The following ZSWIM6 variants were observed in gnomAD, a reference collection of about 807,000 sequenced individuals.
ZSWIM6 encodes the protein zinc finger SWIM domain-containing protein 6.
ZSWIM6 carries 9 observed loss-of-function variants against 113.2 expected under a neutral mutation model. The observed-to-expected ratio is 0.08, with a 90% CI of 0.05 to 0.14. The LOEUF (loss-of-function observed/expected upper bound fraction) is 0.14, where lower values mean the gene tolerates loss of function less well. ZSWIM6 is among the 10% of genes least tolerant of loss of function. The probability of loss-of-function intolerance (pLI) is 1.00; values close to 1 mark genes in which losing one functional copy is unlikely to be tolerated. For synonymous variants in ZSWIM6, 611 were observed against 606.5 expected (o/e 1.01, Z -0.11); for missense variants, 1,162 against 1,552.2 (o/e 0.75, Z 4.22).
At chr5:61,397,459 G>C (rs1350304818) in intron 1 of ZSWIM6, among the ~76,000 whole-genome samples, 1 of 152,078 alleles carries the variant, frequency 6.6e-6, no homozygotes, top group Non-Finnish European at 1.5e-5. Context: ...TTGTTGGTCT[G>C]CACGTGCTGT....
At chr5:61,523,492 T>G (rs1749190323) in intron 5 of ZSWIM6, among the ~76,000 whole-genome samples, 1 of 152,236 alleles carries the variant, frequency 6.6e-6, no homozygotes, top group Non-Finnish European at 1.5e-5. Context: ...ATATCTCCTT[T>G]TTACTTAATT....
intron 10 of ZSWIM6, among the ~76,000 whole-genome samples, chr5:61,538,513 A>G (rs1342999631): frequency 6.6e-6 from 1 of 152,200 alleles, no homozygotes; most frequent in Non-Finnish European, 1.5e-5. Context: ...TGCGTATCTT[A>G]ATTTATTTGA....
At chr5:61,400,235 G>A (rs1371287390) in intron 1 of ZSWIM6, among the ~76,000 whole-genome samples, 2 of 152,120 alleles carry the variant, frequency 1.3e-5, no homozygotes, top group African/African-American at 4.8e-5. Context: ...CATTTTTTAT[G>A]TGACAAATCT....
At chr5:61,408,290 C>T (rs1746081346) in intron 1 of ZSWIM6, among the ~76,000 whole-genome samples, 1 of 152,166 alleles carries the variant, frequency 6.6e-6, no homozygotes, top group African/African-American at 2.4e-5. Flanking sequence ...AACAGGGCAA[C>T]TGAGGGACGA....
chr5:61,488,654 GTC>G (rs1426144384), intron 2 of ZSWIM6, among the ~76,000 whole-genome samples: 1 of 151,902 alleles, frequency 6.6e-6, no homozygotes, highest in African/African-American at 2.4e-5. Context: ...CAATTTTAAT[GTC>G]TCTGTTTTCA....
intron 5 of ZSWIM6, among the ~76,000 whole-genome samples, chr5:61,522,093 GT>G (rs137971657): frequency 9.3e-5 from 13 of 139,494 alleles, no homozygotes; most frequent in East Asian, 8.0e-4. Context: ...TTTTTTGTTT[GT>G]TTTTTTTTGT....
At chr5:61,409,401 C>T (rs1335933605) in intron 1 of ZSWIM6, among the ~76,000 whole-genome samples, 1 of 151,802 alleles carries the variant, frequency 6.6e-6, no homozygotes, top group Non-Finnish European at 1.5e-5. Flanking sequence ...AGCAAAAGAT[C>T]AAAAAAGGAG....
At position 61,546,028 on chromosome 5, in the gene ZSWIM6, C is replaced by T. The variant is rs1156411508; in HGVS notation, c.*1711C>T. 2 of 151,988 alleles carry T rather than the reference C, an allele frequency of 1.3e-5. No individual in the cohort carries two copies. Among genetic ancestry groups the T allele is most frequent in the Non-Finnish European group, 2.9e-5 (2 of 68,002 alleles). 9.4% of individuals were successfully genotyped at this position (151,988 alleles called of 1,614,324 possible). ...AAAAAAAAAGGTTGTAATTCATCAC[C>T]CATGTAAACATGCTCATGAAGTTGA... On this transcript the variant is annotated 3_prime_UTR_variant, in exon 14 of 14. Transcript: ENST00000252744.
chr5:61,443,594 GTTTACAC>G (rs1406125159), intron 1 of ZSWIM6, among the ~76,000 whole-genome samples: 1 of 152,082 alleles, frequency 6.6e-6, no homozygotes, highest in Admixed American at 6.6e-5. Context: ...AATGTCAGAG[GTTTACAC>G]TTGATATCAC....
At chr5:61,356,576 G>C (rs947457343) in intron 1 of ZSWIM6, among the ~76,000 whole-genome samples, 2 of 149,470 alleles carry the variant, frequency 1.3e-5, no homozygotes, top group Non-Finnish European at 3.0e-5. Flanking sequence ...CTTTGGACTT[G>C]GCTGTGAAAA....
chr5:61,545,950 T>C lies in ZSWIM6; in HGVS notation c.*1633T>C, dbSNP rs1176410182. 6.6e-6 allele frequency: 1 copy of C among 152,158 alleles called. No individual in the cohort carries two copies. The highest frequency in any genetic ancestry group is 1.5e-5 in the Non-Finnish European group (1 of 68,020). The allele number at this position is 152,158 out of a possible 1,614,324, so 9.4% of individuals were successfully genotyped here. On this transcript the variant is annotated 3_prime_UTR_variant, in exon 14 of 14. Coordinates refer to ENST00000252744, the MANE Select transcript of ZSWIM6 (RefSeq NM_020928.2). ...AGAGGTATGTTTGTAGGTATTTTTG[T>C]TTAGAAGAACTATTTCATGCGCTCC...
intron 7 of ZSWIM6, among the ~76,000 whole-genome samples, chr5:61,529,806 G>A (rs908375104): frequency 1.3e-5 from 2 of 152,234 alleles, no homozygotes; most frequent in African/African-American, 4.8e-5. Context: ...ATGTTTGGGA[G>A]CTGTCCTGGA....
At chr5:61,341,315 C>G (rs970543713) in intron 1 of ZSWIM6, among the ~76,000 whole-genome samples, 1 of 152,166 alleles carries the variant, frequency 6.6e-6, no homozygotes, top group African/African-American at 2.4e-5. Context: ...CACCTGCTAC[C>G]TTGAACTGGA....
At chr5:61,368,437 A>G (rs777416482) in intron 1 of ZSWIM6, among the ~76,000 whole-genome samples, 6 of 152,238 alleles carry the variant, frequency 3.9e-5, no homozygotes, top group Non-Finnish European at 8.8e-5. Flanking sequence ...AATAATTGGC[A>G]TAGTTATTCT....
intron 1 of ZSWIM6, among the ~76,000 whole-genome samples, chr5:61,360,760 G>C (rs1322324085): frequency 6.6e-6 from 1 of 152,114 alleles, no homozygotes; most frequent in Non-Finnish European, 1.5e-5. Flanking sequence ...AATACAATGG[G>C]TTATTTAAGC....
intron 4 of ZSWIM6, among the ~76,000 whole-genome samples, chr5:61,516,522 A>T (rs1171644323): frequency 7.1e-6 from 1 of 141,710 alleles, no homozygotes; most frequent in Non-Finnish European, 1.5e-5. Context: ...AACATGGCAA[A>T]TATATATATA....
At chr5:61,389,151 G>C (rs1390398082) in intron 1 of ZSWIM6, among the ~76,000 whole-genome samples, 1 of 152,082 alleles carries the variant, frequency 6.6e-6, no homozygotes, top group African/African-American at 2.4e-5. Context: ...CTCTCATCTA[G>C]TTGGGGCTTA....
chr5:61,478,330 C>A (rs1045409354), intron 2 of ZSWIM6, among the ~76,000 whole-genome samples: 1 of 152,054 alleles, frequency 6.6e-6, no homozygotes, highest in Non-Finnish European at 1.5e-5. Flanking sequence ...CTCATTTTTT[C>A]CCCATTCCCA....
chr5:61,384,242 C>T (rs559067992), intron 1 of ZSWIM6, among the ~76,000 whole-genome samples: 4 of 128,276 alleles, frequency 3.1e-5, no homozygotes, highest in Admixed American at 1.6e-4. Flanking sequence ...AGCGAGACTC[C>T]GTCTCAAAAA....
Sources: allele counts gnomAD v4.1 joint callset (sites outside exome capture counted in the v4.1 genomes callset), GRCh38; gene constraint gnomAD v4.1.1; transcripts MANE v1.5; gene names NCBI Gene and HGNC (gene_info 2026-07-23, HGNC 2026-07-21).